ARHGAP31: variants seen among roughly 807,000 people sequenced by gnomAD.
The protein encoded by ARHGAP31 is rho GTPase-activating protein 31.
Under a neutral mutation model 113.9 loss-of-function variants are expected in ARHGAP31, and 34 were observed. That is an observed-to-expected ratio of 0.30 (90% CI 0.23 to 0.40). The LOEUF is 0.40. Ranked by LOEUF, ARHGAP31 falls within the 10% of genes least tolerant of loss-of-function variation. The pLI is 1.00. For synonymous variants in ARHGAP31, 650 were observed against 684.8 expected (o/e 0.95, Z 0.79); for missense variants, 1,548 against 1,767.1 (o/e 0.88, Z 2.22).
At position 119,414,319 on chromosome 3, in the gene ARHGAP31, T is replaced by A. The variant is rs756240123; in HGVS notation, c.2390T>A (p.Val797Asp). ...ACTCCTCTGGAGGAGTCAACTCCAGTCCTGCTTTCAAAGGGCGGCCCGGAA... is the reference window on the plus strand; with the variant it reads ...ACTCCTCTGGAGGAGTCAACTCCAGACCTGCTTTCAAAGGGCGGCCCGGAA... ...PPTPLEESTP[V>D]LLSKGGPERE... The change falls in exon 12 of 12, where the codon GTC (valine) becomes GAC (aspartate). Residue 797 changes from valine to aspartate, a missense_variant. Transcript: ENST00000264245. The A allele has an allele frequency of 3.5e-5, 56 of 1,614,018 alleles. No individual in the cohort carries two copies. In the South Asian group the frequency reaches 5.7e-4, roughly 16 times the overall value.
At chr3:119,384,577 A>G (rs912513600) in intron 6 of ARHGAP31, among the ~76,000 whole-genome samples, 1 of 152,126 alleles carries the variant, frequency 6.6e-6, no homozygotes, top group Non-Finnish European at 1.5e-5. Flanking sequence ...AAGTCAAGAG[A>G]GTGTGAGAAT....
At chr3:119,378,478 A>G (rs1237694061) in intron 3 of ARHGAP31, among the ~76,000 whole-genome samples, 1 of 152,138 alleles carries the variant, frequency 6.6e-6, no homozygotes, top group Non-Finnish European at 1.5e-5. Context: ...CTAAAATATT[A>G]AGGAACTTTC....
At position 119,414,940 on chromosome 3, in the gene ARHGAP31, T is replaced by G. The variant is rs1458229977; in HGVS notation, c.3011T>G (p.Leu1004Arg). The G allele has an allele frequency of 6.2e-7, 1 of 1,614,180 alleles. No homozygotes were observed. ...REITGWDEKA[L>R]RSFREFSGLK... ...ATTACTGGATGGGATGAGAAAGCCC[T>G]GAGGTCCTTCAGAGAGTTCTCTGGC... Residue 1004 changes from leucine to arginine, a missense_variant, in exon 12 of 12, where the codon CTG becomes CGG. Physicochemically the swap from Leu to Arg is moderately radical, Grantham distance 102. Coordinates refer to ENST00000264245, the MANE Select transcript of ARHGAP31 (RefSeq NM_020754.4).
chr3:119,363,044 C>T (rs926192545), intron 1 of ARHGAP31, among the ~76,000 whole-genome samples: 5 of 152,142 alleles, frequency 3.3e-5, no homozygotes, highest in East Asian at 1.9e-4. Context: ...TTTACACACA[C>T]GGAAACTAAG....
intron 3 of ARHGAP31, among the ~76,000 whole-genome samples, chr3:119,369,946 G>T (rs951711718): frequency 6.7e-6 from 1 of 148,364 alleles, no homozygotes; most frequent in Admixed American, 6.7e-5. Flanking sequence ...GGGGAGAAAT[G>T]AAGATTTAAA....
At chr3:119,373,813 G>A (rs2080324033) in intron 3 of ARHGAP31, among the ~76,000 whole-genome samples, 1 of 152,114 alleles carries the variant, frequency 6.6e-6, no homozygotes, top group Non-Finnish European at 1.5e-5. Context: ...TTGGTTGGAC[G>A]TCCCCGAAAG....
chr3:119,364,151 A>G lies in ARHGAP31; in HGVS notation c.101-1165A>G, dbSNP rs547435946. Reference sequence around the variant, plus strand: ...CAGGGCACTGAACCTCTGGAGAGGCAGGAACTCAGGAGGCCCTGTCGGTCC... The same window carrying G: ...CAGGGCACTGAACCTCTGGAGAGGCGGGAACTCAGGAGGCCCTGTCGGTCC... On this transcript the variant is annotated intron_variant, in intron 1 of 11. Transcript: ENST00000264245. 9.8e-5 allele frequency among the ~76,000 whole-genome samples: 14 copies of G among 143,104 alleles called. No homozygotes were observed. In the East Asian group the frequency reaches 2.7e-3, roughly 27 times the overall value. 93.9% of individuals were successfully genotyped at this position (143,104 alleles called of 152,430 possible).
rs139165001 is a variant in ARHGAP31 at position 119,372,096 on chromosome 3, C to A, written c.348+3580C>A. Among the ~76,000 whole-genome samples the A allele has an allele frequency of 6.7e-3, 1,020 of 152,204 alleles. 14 individuals are homozygous for A. The highest frequency in any genetic ancestry group is 0.023 in the African/African-American group (956 of 41,508). ...CGTGTGCATGCGTCTTACGGTAGAA[C>A]AATTTATGTTCCTTTGGATATATAC... On this transcript the variant is annotated intron_variant, in intron 3 of 11. Coordinates refer to ENST00000264245, the MANE Select transcript of ARHGAP31 (RefSeq NM_020754.4).
intron 10 of ARHGAP31, 135 bp downstream of exon 10, chr3:119,402,532 C>G (rs2080621658): frequency 2.1e-6 from 2 of 933,966 alleles, no homozygotes; most frequent in Non-Finnish European, 3.3e-6. Context: ...CAAATCCACG[C>G]TCTGCCATTT....
intron 6 of ARHGAP31, among the ~76,000 whole-genome samples, chr3:119,389,463 C>T (rs1559989482): frequency 1.3e-5 from 2 of 152,060 alleles, no homozygotes; most frequent in South Asian, 4.2e-4. Context: ...TATTTTTAAC[C>T]CTCTTTGGAT....
intron 1 of ARHGAP31, among the ~76,000 whole-genome samples, chr3:119,364,794 T>A (rs78801555): frequency 0.049 from 7,430 of 152,046 alleles, 345 homozygotes; most frequent in Admixed American, 0.16. Context: ...TTAAATTCTT[T>A]AAAAAAAACA....
intron 3 of ARHGAP31, among the ~76,000 whole-genome samples, chr3:119,370,568 A>G (rs1455843371): frequency 6.6e-6 from 1 of 152,124 alleles, no homozygotes; most frequent in Non-Finnish European, 1.5e-5. Flanking sequence ...GTAGTAATAG[A>G]TGTTAACAGA....
At position 119,319,343 on chromosome 3, in the gene ARHGAP31, A is replaced by G. The variant is rs75087459; in HGVS notation, c.100+24339A>G. The stretch of plus-strand genomic sequence containing the variant: ...TACAAATATTTATGTTGGTGTTTTG[A>G]TTTTAGACAAAGCAAAGATCATTGC... On this transcript the variant is annotated intron_variant, in intron 1 of 11. Coordinates refer to ENST00000264245, the MANE Select transcript of ARHGAP31 (RefSeq NM_020754.4). Among the ~76,000 whole-genome samples the G allele has an allele frequency of 8.4e-3, 1,271 of 151,098 alleles. 7 individuals are homozygous for G. Among genetic ancestry groups the G allele is most frequent in the African/African-American group, 0.03 (1,220 of 41,198 alleles).
At position 119,416,345 on chromosome 3, in the gene ARHGAP31, C is replaced by G; in HGVS notation, c.*81C>G. 6.3e-7 allele frequency: 1 copy of G among 1,591,320 alleles called. No homozygotes were observed. Among genetic ancestry groups the G allele is most frequent in the Non-Finnish European group, 8.5e-7 (1 of 1,172,986 alleles). Reference sequence around the variant, plus strand: ...CAGGGCCAGCTTGCCATATTCCAGGCACACGTTATCAAGTTTGGGCCTATT... The same window carrying G: ...CAGGGCCAGCTTGCCATATTCCAGGGACACGTTATCAAGTTTGGGCCTATT... On this transcript the variant is annotated 3_prime_UTR_variant, in exon 12 of 12. Transcript: ENST00000264245.
rs148267246 is a variant in ARHGAP31 at position 119,312,566 on chromosome 3, C to T, written c.100+17562C>T. On this transcript the variant is annotated intron_variant, in intron 1 of 11. Transcript: ENST00000264245. ...AACACCTGACACAAGTACAAGCCGTCTTCTTCTCTTGTAAAATTACAAAAA... is the reference window on the plus strand; with the variant it reads ...AACACCTGACACAAGTACAAGCCGTTTTCTTCTCTTGTAAAATTACAAAAA... Among the ~76,000 whole-genome samples, 794 of 152,290 alleles carry T rather than the reference C, an allele frequency of 5.2e-3. 3 individuals are homozygous for T. The highest frequency in any genetic ancestry group is 7.5e-3 in the Admixed American group (114 of 15,288).
At chr3:119,313,310 A>G (rs571338529) in intron 1 of ARHGAP31, among the ~76,000 whole-genome samples, 193 of 152,204 alleles carry the variant, frequency 1.3e-3, no homozygotes, top group African/African-American at 4.3e-3. Context: ...AAATATACAT[A>G]TGTTTTATTT....
At position 119,418,498 on chromosome 3, in the gene ARHGAP31, A is replaced by C. The variant is rs2080797288; in HGVS notation, c.*2234A>C. On this transcript the variant is annotated 3_prime_UTR_variant, in exon 12 of 12. Transcript: ENST00000264245. ...GAATGCGAGGGAGGGAAAGAGCTGC[A>C]CTTTGCTTCACCATCAGAACTCTGA... 6.6e-6 allele frequency: 1 copy of C among 152,104 alleles called. No homozygotes were observed. Among genetic ancestry groups the C allele is most frequent in the Non-Finnish European group, 1.5e-5 (1 of 68,022 alleles). 9.4% of individuals were successfully genotyped at this position (152,104 alleles called of 1,614,324 possible). A position where few individuals can be genotyped will look rare whatever the true frequency, so the allele number is the denominator to read the frequency against.
At chr3:119,359,454 T>C (rs2080186739) in intron 1 of ARHGAP31, among the ~76,000 whole-genome samples, 1 of 152,202 alleles carries the variant, frequency 6.6e-6, no homozygotes, top group South Asian at 2.1e-4. Context: ...TTGTTTTTTT[T>C]TTTAAAGAAC....
chr3:119,369,314 G>A (rs2080276691), intron 3 of ARHGAP31, among the ~76,000 whole-genome samples: 1 of 152,072 alleles, frequency 6.6e-6, no homozygotes, highest in Admixed American at 6.5e-5. Context: ...GTGTGCTGGG[G>A]GCATTGAAAC....
Sources: gnomAD v4.1 joint callset for allele counts (sites outside exome capture counted in the v4.1 genomes callset) on GRCh38, gnomAD v4.1.1 for gene constraint, MANE v1.5 for transcripts, NCBI Gene and HGNC (gene_info 2026-07-23, HGNC 2026-07-21) for gene names.